NAV2: variants seen among roughly 807,000 people sequenced by gnomAD.
NAV2 encodes helicase, APC down-regulated 1.
A neutral mutation model predicts 223.2 loss-of-function variants in NAV2; 54 were observed. The observed-to-expected ratio is 0.24, with a 90% CI of 0.19 to 0.30. The LOEUF (loss-of-function observed/expected upper bound fraction) is 0.30. Among genes scored for constraint, NAV2 ranks in the 10% least tolerant of loss-of-function variants. NAV2 has a pLI of 1.00. For synonymous variants in NAV2, 1,279 were observed against 1,239.3 expected (o/e 1.03, Z -0.67); for missense variants, 2,806 against 3,147.5 (o/e 0.89, Z 2.60).
chr11:19,413,898 C>A (rs1295785914), intron 1 of NAV2, among the ~76,000 whole-genome samples: 1 of 152,156 alleles, frequency 6.6e-6, no homozygotes, highest in Non-Finnish European at 1.5e-5. Context: ...ACCAGGCCTG[C>A]TTTATAAGAT....
At chr11:19,568,452 G>C (rs1168197040) in intron 1 of NAV2, among the ~76,000 whole-genome samples, 1 of 152,186 alleles carries the variant, frequency 6.6e-6, no homozygotes, top group Non-Finnish European at 1.5e-5. Context: ...GGTGTGTCTG[G>C]AGCCCAGTTC....
At chr11:19,708,559 A>G (rs2049747422), upstream of NAV2, among the ~76,000 whole-genome samples, 1 of 152,082 alleles carries the variant, frequency 6.6e-6, no homozygotes, top group South Asian at 2.1e-4. Flanking sequence ...TCTTTAACTA[A>G]GATGAAGGAT....
intron 1 of NAV2, among the ~76,000 whole-genome samples, chr11:19,510,729 A>G (rs558805098): frequency 6.8e-6 from 1 of 147,498 alleles, no homozygotes; most frequent in South Asian, 2.2e-4. Context: ...CCCAGGGCTG[A>G]TCATTTTGTT....
intron 1 of NAV2, among the ~76,000 whole-genome samples, chr11:19,528,544 G>A (rs1334045513): frequency 6.6e-6 from 1 of 152,160 alleles, no homozygotes; most frequent in Non-Finnish European, 1.5e-5. Flanking sequence ...GCGGCTGGAA[G>A]GCATTTGCCA....
At chr11:19,903,201 C>T (rs564938791) in intron 6 of NAV2, among the ~76,000 whole-genome samples, 5 of 152,242 alleles carry the variant, frequency 3.3e-5, no homozygotes, top group East Asian at 1.9e-4. Context: ...ATGAAGGTGT[C>T]GGGGTTGCAA....
chr11:19,486,233 A>G (rs1026249142), intron 1 of NAV2, among the ~76,000 whole-genome samples: 1 of 152,146 alleles, frequency 6.6e-6, no homozygotes, highest in Admixed American at 6.5e-5. Context: ...CTGCCCGGAA[A>G]CAGGAAGGTC....
intron 2 of NAV2, among the ~76,000 whole-genome samples, chr11:19,835,862 A>G (rs1440874800): frequency 1.3e-5 from 2 of 152,100 alleles, no homozygotes; most frequent in East Asian, 1.9e-4. Flanking sequence ...TCTAGTGGCT[A>G]TACTTGTTCT....
At chr11:19,478,432 G>C (rs1161432831) in intron 1 of NAV2, among the ~76,000 whole-genome samples, 2 of 152,212 alleles carry the variant, frequency 1.3e-5, no homozygotes, top group South Asian at 4.1e-4. Context: ...GCAACGGACA[G>C]AGCAGGCCAG....
chr11:19,559,080 TTGA>T (rs780775600), intron 1 of NAV2, among the ~76,000 whole-genome samples: 2 of 152,336 alleles, frequency 1.3e-5, no homozygotes, highest in South Asian at 4.1e-4. Context: ...GCCTCTCCTC[TTGA>T]TGAGATGAGT....
intron 1 of NAV2, among the ~76,000 whole-genome samples, chr11:19,589,727 C>G (rs546578475): frequency 6.6e-6 from 1 of 152,300 alleles, no homozygotes; most frequent in African/African-American, 2.4e-5. Flanking sequence ...GCCTAGAAGC[C>G]GATCAGCCAT....
At position 19,824,156 on chromosome 11, in the gene NAV2, A is replaced by G. The variant is rs190573733; in HGVS notation, c.268-8328A>G. On this transcript the variant is annotated intron_variant, in intron 1 of 37. Transcript: ENST00000349880. Reference sequence around the variant, plus strand: ...GCCAGACACTGTGTTAACCACTTATATGATCTCATTTAATCTGTAAAGCAA... The same window carrying G: ...GCCAGACACTGTGTTAACCACTTATGTGATCTCATTTAATCTGTAAAGCAA... 4.7e-3 allele frequency among the ~76,000 whole-genome samples: 715 copies of G among 152,304 alleles called. 6 individuals are homozygous for G. Among genetic ancestry groups the G allele is most frequent in the South Asian group, 0.016 (79 of 4,824 alleles).
At chr11:19,921,639 G>T (rs1305302640) in intron 6 of NAV2, among the ~76,000 whole-genome samples, 1 of 152,160 alleles carries the variant, frequency 6.6e-6, no homozygotes, top group Non-Finnish European at 1.5e-5. Context: ...CCTGTTTATT[G>T]TCCCTTCTCA....
chr11:19,554,065 T>G (rs1375466305), intron 1 of NAV2, among the ~76,000 whole-genome samples: 1 of 152,220 alleles, frequency 6.6e-6, no homozygotes, highest in African/African-American at 2.4e-5. Flanking sequence ...TCTCCTTTTT[T>G]GTTTTTGAAA....
intron 1 of NAV2, among the ~76,000 whole-genome samples, chr11:19,533,701 AC>A (rs941122242): frequency 5.7e-5 from 8 of 140,584 alleles, no homozygotes; most frequent in Non-Finnish European, 1.2e-4. Flanking sequence ...CCCTCTGGGA[AC>A]TATCTTTTTT....
chr11:19,635,284 AT>A (rs1177300262), intron 1 of NAV2, among the ~76,000 whole-genome samples: 2 of 152,190 alleles, frequency 1.3e-5, no homozygotes, highest in East Asian at 1.9e-4. Context: ...AATCATCAGA[AT>A]TTTTTTAACA....
chr11:19,868,913 T>A lies in NAV2; in HGVS notation c.439-12T>A. 6.2e-7 allele frequency: 1 copy of A among 1,613,358 alleles called. No homozygotes were observed. Among genetic ancestry groups the A allele is most frequent in the East Asian group, 2.2e-5 (1 of 44,870 alleles). On this transcript the variant is annotated splice_polypyrimidine_tract_variant and intron_variant, in intron 3 of 37. Transcript: ENST00000349880. Reference sequence around the variant, plus strand: ...CATTTATTAAGTATATATTGTTGTTTTTCCCTCCTAGATTGAAAACATAGA... The same window carrying A: ...CATTTATTAAGTATATATTGTTGTTATTCCCTCCTAGATTGAAAACATAGA...
intron 10 of NAV2, among the ~76,000 whole-genome samples, chr11:19,979,577 G>A (rs550832783): frequency 2.6e-5 from 4 of 152,154 alleles, no homozygotes; most frequent in Non-Finnish European, 4.4e-5. Context: ...ACTCCTCTGC[G>A]ACGCTTTCTC....
At chr11:19,385,504 A>G (rs894235505) in intron 1 of NAV2, among the ~76,000 whole-genome samples, 2 of 152,198 alleles carry the variant, frequency 1.3e-5, no homozygotes, top group Admixed American at 6.5e-5. Context: ...AACAAATTTC[A>G]AAATACACCT....
chr11:19,591,433 C>G (rs1011430888), intron 1 of NAV2: 3 of 152,328 alleles, frequency 2.0e-5, no homozygotes, highest in Non-Finnish European at 4.4e-5. Context: ...GTTGTCTCTT[C>G]TCTACTTAGG....
Sources: gnomAD v4.1 joint callset for allele counts (sites outside exome capture counted in the v4.1 genomes callset) on GRCh38, gnomAD v4.1.1 for gene constraint, MANE v1.5 for transcripts, NCBI Gene and HGNC (gene_info 2026-07-23, HGNC 2026-07-21) for gene names.